Variants in NFATC3 observed in about 807,000 individuals in gnomAD.
NFATC3 encodes nuclear factor of activated T-cells, cytoplasmic 3.
Under a neutral mutation model 98.6 loss-of-function variants are expected in NFATC3, and 46 were observed. The ratio of observed to expected loss-of-function variants is 0.47; its 90% CI spans 0.37 to 0.60. The LOEUF (loss-of-function observed/expected upper bound fraction) is 0.60. Among genes scored for constraint, NFATC3 ranks in the 20% least tolerant of loss-of-function variants. The pLI is 0.00. For synonymous variants in NFATC3, 512 were observed against 472.2 expected, an observed-to-expected ratio of 1.08 and a Z score of -1.09; for missense variants, 1,256 against 1,295.5, an observed-to-expected ratio of 0.97 and a Z score of 0.47.
intron 3 of NFATC3, among the ~76,000 whole-genome samples, chr16:68,146,059 T>G (rs1567519736): frequency 1.3e-5 from 2 of 152,072 alleles, no homozygotes; most frequent in Non-Finnish European, 2.9e-5. Context: ...TTTCAAATTT[T>G]GGAATATTTC....
chr16:68,130,986 A>G (rs1024919324), intron 3 of NFATC3, among the ~76,000 whole-genome samples: 3 of 152,160 alleles, frequency 2.0e-5, no homozygotes, highest in East Asian at 3.9e-4. Flanking sequence ...TGTGCCCTCT[A>G]TTCTGTCACA....
chr16:68,150,790 G>A (rs2038278285), intron 3 of NFATC3, among the ~76,000 whole-genome samples: 1 of 152,110 alleles, frequency 6.6e-6, no homozygotes, highest in Non-Finnish European at 1.5e-5. Context: ...TGAATCACTG[G>A]GGTGGCTTCC....
chr16:68,100,904 T>TGG (rs995325257), intron 1 of NFATC3, among the ~76,000 whole-genome samples: 6 of 139,760 alleles, frequency 4.3e-5, no homozygotes, highest in African/African-American at 1.7e-4. Context: ...TGTGTGTGTG[T>TGG]GGGGTGTGTG....
chr16:68,210,253 A>G (rs1423818926), intron 9 of NFATC3, among the ~76,000 whole-genome samples: 1 of 151,164 alleles, frequency 6.6e-6, no homozygotes, highest in African/African-American at 2.4e-5. Flanking sequence ...AGCCAAGATC[A>G]TGCCACTGCG....
intron 6 of NFATC3, among the ~76,000 whole-genome samples, chr16:68,178,325 G>A (rs933496702): frequency 6.6e-6 from 1 of 152,158 alleles, no homozygotes; most frequent in African/African-American, 2.4e-5. Context: ...TGAGCTGGAA[G>A]TATGTGGCTG....
intron 6 of NFATC3, among the ~76,000 whole-genome samples, chr16:68,177,293 C>A (rs981064360): frequency 1.3e-5 from 2 of 152,040 alleles, no homozygotes; most frequent in Admixed American, 1.3e-4. Context: ...TCAGGTGATC[C>A]GCCCGTCTTG....
chr16:68,197,278 C>T (rs1598570127), intron 9 of NFATC3, among the ~76,000 whole-genome samples: 1 of 151,958 alleles, frequency 6.6e-6, no homozygotes, highest in Admixed American at 6.6e-5. Flanking sequence ...TTTTATTTTA[C>T]TTTATTTCAT....
Position 68,178,394 on chromosome 16 carries a change from CA to C in NFATC3, c.1916-3075del, listed in dbSNP as rs1174273869. On this transcript the variant is annotated intron_variant, in intron 6 of 9. Coordinates refer to ENST00000346183, the MANE Select transcript of NFATC3 (RefSeq NM_173165.3). ...CCCTGACCCATACCCTGCCTGTCTT[CA>C]AAAAACATCAGTTCTGTTTCATAAT... 2.0e-5 allele frequency among the ~76,000 whole-genome samples: 3 copies of C among 152,072 alleles called. No individual in the cohort carries two copies. In the East Asian group the frequency reaches 5.8e-4, roughly 29 times the overall value.
At chr16:68,186,957 G>A (rs569583062) in intron 8 of NFATC3, among the ~76,000 whole-genome samples, 3 of 152,362 alleles carry the variant, frequency 2.0e-5, no homozygotes, top group East Asian at 1.9e-4. Context: ...CCTGTGGCTA[G>A]TGGCACCTTT....
At chr16:68,095,848 G>A (rs2034992975) in intron 1 of NFATC3, among the ~76,000 whole-genome samples, 1 of 152,118 alleles carries the variant, frequency 6.6e-6, no homozygotes, top group African/African-American at 2.4e-5. Flanking sequence ...GGGAGATCTG[G>A]GACACAAAAT....
At chr16:68,121,308 G>A (rs1286447587) in intron 1 of NFATC3, among the ~76,000 whole-genome samples, 4 of 142,502 alleles carry the variant, frequency 2.8e-5, no homozygotes, top group Admixed American at 1.4e-4. Context: ...GTACAGTGGC[G>A]TGATCTGAGC....
intron 6 of NFATC3, among the ~76,000 whole-genome samples, chr16:68,175,063 T>C (rs1437462011): frequency 1.3e-5 from 2 of 152,226 alleles, no homozygotes; most frequent in African/African-American, 4.8e-5. Flanking sequence ...AAATGTGATA[T>C]ATCCATACAA....
rs186051948 is a variant in NFATC3 at position 68,144,488 on chromosome 16, A to G, written c.1402-13381A>G. On this transcript the variant is annotated intron_variant, in intron 3 of 9. Transcript: ENST00000346183. ...AGGTATACTAATAATATTCGTAACA[A>G]CTATGTATTATCATTATCATCATCA... 5.3e-5 allele frequency among the ~76,000 whole-genome samples: 8 copies of G among 152,218 alleles called. No individual in the cohort carries two copies. The East Asian group carries it at 1.5e-3, about 29-fold the overall frequency.
rs2034323890 is a variant in NFATC3, at chr16:68,085,665, C to T, written c.-17C>T. ...GCCGCCGCCTGAGGAGGAGCTGCAGCACCCTGGGCCACGCCGATGACTACT... is the reference window on the plus strand; with the variant it reads ...GCCGCCGCCTGAGGAGGAGCTGCAGTACCCTGGGCCACGCCGATGACTACT... On this transcript the variant is annotated 5_prime_UTR_variant, in exon 1 of 10. Coordinates refer to ENST00000346183, the MANE Select transcript of NFATC3 (RefSeq NM_173165.3). 3 of 1,501,472 alleles carry T rather than the reference C, an allele frequency of 2.0e-6. No homozygotes were observed. The highest frequency in any genetic ancestry group is 2.7e-6 in the Non-Finnish European group (3 of 1,127,646). 93.0% of individuals were successfully genotyped at this position (1,501,472 alleles called of 1,614,324 possible). A position where few individuals can be genotyped will look rare whatever the true frequency, so the allele number is the denominator to read the frequency against.
At chr16:68,173,283 T>A (rs577347441) in intron 5 of NFATC3, among the ~76,000 whole-genome samples, 3 of 143,078 alleles carry the variant, frequency 2.1e-5, no homozygotes, top group African/African-American at 7.8e-5. Context: ...AATAAAAATA[T>A]AGGCCGGGCG....
At chr16:68,102,374 GAAAAAAAAA>G (rs71268472) in intron 1 of NFATC3, among the ~76,000 whole-genome samples, 11 of 30,908 alleles carry the variant, frequency 3.6e-4, no homozygotes, top group South Asian at 1.4e-3. Flanking sequence ...TCCATCTCAG[GAAAAAAAAA>G]AAAAAAAAAA....
chr16:68,093,801 C>T (rs1383513638), intron 1 of NFATC3, among the ~76,000 whole-genome samples: 1 of 152,082 alleles, frequency 6.6e-6, no homozygotes. Flanking sequence ...AATTTTGGGC[C>T]CTTTCTGCTA....
chr16:68,205,175 ATGT>A, intron 9 of NFATC3, among the ~76,000 whole-genome samples: 1 of 152,142 alleles, frequency 6.6e-6, no homozygotes, highest in Non-Finnish European at 1.5e-5. Flanking sequence ...CTTGATAATC[ATGT>A]TGTATATTTA....
At chr16:68,184,839 A>C (rs12445876) in intron 8 of NFATC3, among the ~76,000 whole-genome samples, 1 of 113,298 alleles carries the variant, frequency 8.8e-6, no homozygotes, top group African/African-American at 3.2e-5. Context: ...ACAAACAAAA[A>C]ACACACAAAT....
Sources: allele counts gnomAD v4.1 joint callset (sites outside exome capture counted in the v4.1 genomes callset), GRCh38; gene constraint gnomAD v4.1.1; transcripts MANE v1.5; gene names NCBI Gene and HGNC (gene_info 2026-07-23, HGNC 2026-07-21).